KCNH7: variants seen among roughly 807,000 people sequenced by gnomAD.
KCNH7 encodes the protein voltage-gated inwardly rectifying potassium channel KCNH7.
A neutral mutation model predicts 120.8 loss-of-function variants in KCNH7; 49 were observed. The observed-to-expected ratio is 0.41, with a 90% CI of 0.32 to 0.51. The LOEUF (loss-of-function observed/expected upper bound fraction) is 0.51. Ranked by LOEUF, KCNH7 falls within the 20% of genes least tolerant of loss-of-function variation. KCNH7 has a pLI of 0.38. For missense variants in KCNH7, 1,097 were observed against 1,446.6 expected, an observed-to-expected ratio of 0.76 and a Z score of 3.92; for synonymous variants, 547 against 516.1, an observed-to-expected ratio of 1.06 and a Z score of -0.81.
At chr2:162,509,279 G>A (rs1437861861) in intron 5 of KCNH7, among the ~76,000 whole-genome samples, 1 of 151,372 alleles carries the variant, frequency 6.6e-6, no homozygotes, top group East Asian at 2.0e-4. Context: ...AGATGGTGCT[G>A]GAAATATAGC....
At chr2:162,729,270 A>G (rs957061767) in intron 2 of KCNH7, among the ~76,000 whole-genome samples, 5 of 146,812 alleles carry the variant, frequency 3.4e-5, no homozygotes, top group Non-Finnish European at 5.9e-5. Flanking sequence ...GGTTCCCGCC[A>G]TTCTCCTGCC....
chr2:162,743,458 T>C (rs979655376), intron 2 of KCNH7, among the ~76,000 whole-genome samples: 1 of 152,052 alleles, frequency 6.6e-6, no homozygotes, highest in African/African-American at 2.4e-5. Context: ...TTATATTAAA[T>C]AATGTAGAAT....
Position 162,701,043 on chromosome 2 carries a change from A to C in KCNH7, c.307+135494T>G, listed in dbSNP as rs538184971. 8.5e-5 allele frequency among the ~76,000 whole-genome samples: 13 copies of C among 152,330 alleles called. No individual in the cohort carries two copies. The South Asian group carries it at 2.3e-3, about 27-fold the overall frequency. On this transcript the variant is annotated intron_variant, in intron 2 of 15. Coordinates refer to ENST00000332142, the MANE Select transcript of KCNH7 (RefSeq NM_033272.4). ...TTTTTCACATAATCAGATGCTGTTT[A>C]TAAGGAAGGACAATCACATTGCATC...
intron 2 of KCNH7, among the ~76,000 whole-genome samples, chr2:162,666,562 T>G (rs1314587521): frequency 6.6e-6 from 1 of 152,152 alleles, no homozygotes; most frequent in African/African-American, 2.4e-5. Flanking sequence ...GCTTTTTCTT[T>G]TCTTTTTCTC....
chr2:162,548,686 C>G (rs1339151526), intron 2 of KCNH7, among the ~76,000 whole-genome samples: 1 of 152,054 alleles, frequency 6.6e-6, no homozygotes, highest in Non-Finnish European at 1.5e-5. Context: ...CTTTAATTGC[C>G]AGGAGTTAAT....
chr2:162,430,624 T>G (rs1688032692), intron 8 of KCNH7, among the ~76,000 whole-genome samples: 1 of 152,082 alleles, frequency 6.6e-6, no homozygotes, highest in Non-Finnish European at 1.5e-5. Flanking sequence ...AACTTCCCTA[T>G]TAATTTTCCA....
intron 6 of KCNH7, among the ~76,000 whole-genome samples, chr2:162,479,051 G>A (rs77883763): frequency 4.0e-5 from 6 of 151,494 alleles, no homozygotes; most frequent in Non-Finnish European, 8.8e-5. Flanking sequence ...GGGGAGAGAG[G>A]TACAGTACTG....
intron 2 of KCNH7, among the ~76,000 whole-genome samples, chr2:162,823,958 A>T (rs1685201236): frequency 6.6e-6 from 1 of 152,040 alleles, no homozygotes; most frequent in Non-Finnish European, 1.5e-5. Flanking sequence ...TACACTCGAA[A>T]TTAATTTTCA....
chr2:162,446,531 C>A, intron 6 of KCNH7, 88 bp from the exon 7 acceptor site: 1 of 938,314 alleles, frequency 1.1e-6, no homozygotes. Flanking sequence ...ACTAATTATA[C>A]AGTAAAATTT....
rs1836525 is a variant in KCNH7 at position 162,694,966 on chromosome 2, C to T, written c.307+141571G>A. Among the ~76,000 whole-genome samples the T allele has an allele frequency of 3.5e-4, 54 of 152,216 alleles. 2 individuals carry two copies. In the South Asian group the frequency reaches 0.011, roughly 30 times the overall value. On this transcript the variant is annotated intron_variant, in intron 2 of 15. Coordinates refer to ENST00000332142, the MANE Select transcript of KCNH7 (RefSeq NM_033272.4). Reference sequence around the variant, plus strand: ...CCATATTGGCCAGGCTGATCTTGAACTCCTGACATAGTGATCCACCCGCCT... The same window carrying T: ...CCATATTGGCCAGGCTGATCTTGAATTCCTGACATAGTGATCCACCCGCCT...
At chr2:162,668,447 T>C (rs1685224577) in intron 2 of KCNH7, among the ~76,000 whole-genome samples, 1 of 152,168 alleles carries the variant, frequency 6.6e-6, no homozygotes, top group Non-Finnish European at 1.5e-5. Context: ...ACAAGACTTT[T>C]CATGAGAACT....
chr2:162,533,084 CACTG>C (rs1421316137), intron 3 of KCNH7, among the ~76,000 whole-genome samples: 2 of 151,780 alleles, frequency 1.3e-5, no homozygotes, highest in African/African-American at 2.4e-5. Flanking sequence ...AACCAAAATA[CACTG>C]ACTGAGGAAA....
In KCNH7 at chr2:162,546,190, T is replaced by C. The variant is rs535853781; in HGVS notation, c.308-9110A>G. ...AGCTTTGTGGATTGAATTAGTGTATTGGGAAATATGAGTGTTAAAATAAGC... is the reference window on the plus strand; with the variant it reads ...AGCTTTGTGGATTGAATTAGTGTATCGGGAAATATGAGTGTTAAAATAAGC... On this transcript the variant is annotated intron_variant, in intron 2 of 15. Coordinates refer to ENST00000332142, the MANE Select transcript of KCNH7 (RefSeq NM_033272.4). 9.2e-5 allele frequency among the ~76,000 whole-genome samples: 14 copies of C among 152,282 alleles called. No homozygotes were observed. The South Asian group carries it at 2.7e-3, about 29-fold the overall frequency.
chr2:162,678,745 C>T (rs1014155367), intron 2 of KCNH7, among the ~76,000 whole-genome samples: 1 of 151,494 alleles, frequency 6.6e-6, no homozygotes, highest in East Asian at 1.9e-4. Context: ...CTGTTGATCA[C>T]AGCCCAGGAA....
At chr2:162,705,029 A>G (rs1364349926) in intron 2 of KCNH7, among the ~76,000 whole-genome samples, 1 of 152,194 alleles carries the variant, frequency 6.6e-6, no homozygotes, top group Admixed American at 6.6e-5. Context: ...TTTGTAAATC[A>G]TAATTCATGT....
chr2:162,405,695 T>A (rs945969331), intron 9 of KCNH7, among the ~76,000 whole-genome samples: 3 of 152,000 alleles, frequency 2.0e-5, no homozygotes, highest in Admixed American at 6.6e-5. Flanking sequence ...AACTTCTGAT[T>A]TGATGTATGT....
At chr2:162,722,223 G>A (rs996718238) in intron 2 of KCNH7, among the ~76,000 whole-genome samples, 1 of 151,862 alleles carries the variant, frequency 6.6e-6, no homozygotes, top group African/African-American at 2.4e-5. Context: ...GATAGTTTAA[G>A]GTAGATATAG....
intron 2 of KCNH7, among the ~76,000 whole-genome samples, chr2:162,563,989 G>T: frequency 6.6e-6 from 1 of 151,972 alleles, no homozygotes. Flanking sequence ...TGTCTTCATT[G>T]GTCATTCATT....
intron 14 of KCNH7, among the ~76,000 whole-genome samples, chr2:162,376,944 A>C (rs1280983385): frequency 6.6e-6 from 1 of 152,226 alleles, no homozygotes; most frequent in Admixed American, 6.5e-5. Context: ...GCAGAAAAGA[A>C]GTGGTAGCAA....
Sources: allele counts gnomAD v4.1 joint callset (sites outside exome capture counted in the v4.1 genomes callset), GRCh38; gene constraint gnomAD v4.1.1; transcripts MANE v1.5; gene names NCBI Gene and HGNC (gene_info 2026-07-23, HGNC 2026-07-21).